LRRC37A: variants seen among roughly 807,000 people sequenced by gnomAD.
LRRC37A encodes the protein leucine-rich repeat-containing protein 37A.
A neutral mutation model predicts 35.4 loss-of-function variants in LRRC37A; 3 were observed. The observed-to-expected ratio is 0.08, with a 90% CI of 0.04 to 0.22. The LOEUF is 0.22. Among genes scored for constraint, LRRC37A ranks in the 10% least tolerant of loss-of-function variants. The probability of loss-of-function intolerance (pLI) is 1.00; values close to 1 mark genes in which losing one functional copy is unlikely to be tolerated. For synonymous variants in LRRC37A, 23 were observed against 215.0 expected (o/e 0.11, Z 7.81); for missense variants, 67 against 565.3 (o/e 0.12, Z 8.94).
the LRRC37A span, among the ~76,000 whole-genome samples, chr17:46,285,711 C>A: frequency 1.3e-5 from 2 of 152,202 alleles, no homozygotes; most frequent in Non-Finnish European, 2.9e-5. Context: ...TGGTAAAGCT[C>A]ATGACACTGG....
At chr17:46,253,328 C>G in the LRRC37A span, among the ~76,000 whole-genome samples, 1 of 152,010 alleles carries the variant, frequency 6.6e-6, no homozygotes, top group Non-Finnish European at 1.5e-5. Context: ...AGAGACGCTC[C>G]TCACTTCCCA....
chr17:46,261,956 T>C, the LRRC37A span, among the ~76,000 whole-genome samples: 1 of 152,108 alleles, frequency 6.6e-6, no homozygotes, highest in Admixed American at 6.6e-5. Context: ...ATTATTATTA[T>C]TATTATTTTT....
the LRRC37A span, among the ~76,000 whole-genome samples, chr17:46,276,114 C>T: frequency 2.6e-5 from 4 of 152,352 alleles, no homozygotes; most frequent in Non-Finnish European, 5.9e-5. Flanking sequence ...TGGTCGCAAA[C>T]TCCTGACCTC....
chr17:46,270,886 C>T, the LRRC37A span, among the ~76,000 whole-genome samples: 54 of 152,270 alleles, frequency 3.5e-4, no homozygotes, highest in Admixed American at 8.5e-4. Flanking sequence ...GGCAACAGAG[C>T]GAGACTCTGT....
At chr17:46,254,196 T>C in the LRRC37A span, among the ~76,000 whole-genome samples, 2 of 152,052 alleles carry the variant, frequency 1.3e-5, no homozygotes, top group Non-Finnish European at 2.9e-5. Flanking sequence ...CTAGAATGAG[T>C]CCAGGAACCG....
At chr17:46,282,433 C>T in the LRRC37A span, among the ~76,000 whole-genome samples, 1 of 145,682 alleles carries the variant, frequency 6.9e-6, no homozygotes, top group South Asian at 2.2e-4. Context: ...TTTTTTTAAA[C>T]AGGCAAGTTC....
the LRRC37A span, among the ~76,000 whole-genome samples, chr17:46,263,784 G>A: frequency 6.6e-6 from 1 of 151,722 alleles, no homozygotes; most frequent in African/African-American, 2.4e-5. Context: ...AACCTGGGAG[G>A]TGGAGGTTGC....
chr17:46,293,500 C>T (rs2050131235), upstream of LRRC37A: 2 of 253,696 alleles, frequency 7.9e-6, 1 homozygote, highest in African/African-American at 5.0e-5. Flanking sequence ...ATTTCTCAAG[C>T]TCCTCACGTG....
At chr17:46,290,498 G>A (rs140093091), upstream of LRRC37A, among the ~76,000 whole-genome samples, 104 of 152,306 alleles carry the variant, frequency 6.8e-4, no homozygotes, top group East Asian at 3.7e-3. Flanking sequence ...TCGCTCTGTC[G>A]TGCAGTGGCA....
At chr17:46,255,144 C>G in the LRRC37A span, among the ~76,000 whole-genome samples, 10 of 151,952 alleles carry the variant, frequency 6.6e-5, no homozygotes, top group African/African-American at 2.4e-4. Context: ...CCCTGCCCAG[C>G]TAATTTTTAC....
the LRRC37A span, among the ~76,000 whole-genome samples, chr17:46,250,857 CCCTT>C: frequency 6.6e-6 from 1 of 152,156 alleles, no homozygotes; most frequent in African/African-American, 2.4e-5. Flanking sequence ...TCCTTCTCTT[CCCTT>C]CCCCTTTCTC....
rs1364343095 is a variant in LRRC37A, at chr17:46,332,458, A to T, written c.4705-94A>T. 3 of 502,128 alleles carry T rather than the reference A, an allele frequency of 6.0e-6. No homozygotes were observed. In the African/African-American group the frequency reaches 7.5e-5, roughly 13 times the overall value. The allele number at this position is 502,128 out of a possible 1,614,324, so 31.1% of individuals were successfully genotyped here. A position where few individuals can be genotyped will look rare whatever the true frequency, so the allele number is the denominator to read the frequency against. ...CAGAGTGAGACCCTCTTTCAAAAAA[A>T]TAAAAAAGAACCTGTCAGCTACTCA... On this transcript the variant is annotated intron_variant, in intron 9 of 13. Transcript: ENST00000320254.
chr17:46,278,460 A>T, the LRRC37A span, among the ~76,000 whole-genome samples: 1 of 150,722 alleles, frequency 6.6e-6, no homozygotes, highest in Non-Finnish European at 1.5e-5. Flanking sequence ...GCTAGAGTGC[A>T]GTGGTGTGAT....
At chr17:46,252,892 A>G in the LRRC37A span, among the ~76,000 whole-genome samples, 5 of 150,490 alleles carry the variant, frequency 3.3e-5, no homozygotes, top group East Asian at 7.8e-4. Flanking sequence ...TGTTGGGTAC[A>G]CCTCCCGGAC....
At chr17:46,333,002 T>G (rs2137113) in intron 10 of LRRC37A, among the ~76,000 whole-genome samples, 91,743 of 141,746 alleles carry the variant, frequency 0.65, 31,923 homozygotes, top group Middle Eastern at 0.85. Context: ...TATTTCCTTG[T>G]TGCTGAAATG....
At chr17:46,274,915 G>C in the LRRC37A span, 1 of 151,760 alleles carries the variant, frequency 6.6e-6, no homozygotes, top group Non-Finnish European at 1.5e-5. Context: ...TTTTTGAAAC[G>C]GAGTTTTGTT....
At chr17:46,269,857 G>C in the LRRC37A span, among the ~76,000 whole-genome samples, 3 of 152,190 alleles carry the variant, frequency 2.0e-5, no homozygotes, top group Non-Finnish European at 2.9e-5. Flanking sequence ...TTTAGCCTTT[G>C]AGCCCTAAAG....
At chr17:46,275,145 G>T in the LRRC37A span, 1 of 257,530 alleles carries the variant, frequency 3.9e-6, no homozygotes, top group Non-Finnish European at 7.0e-6. Context: ...GCCCGCCTTG[G>T]CCTCCCAAAG....
upstream of LRRC37A, among the ~76,000 whole-genome samples, chr17:46,288,371 T>C (rs1392885883): frequency 1.3e-5 from 2 of 148,434 alleles, no homozygotes; most frequent in Non-Finnish European, 3.0e-5. Context: ...TACAGTGGCA[T>C]GATCTCGGCT....
Sources: gnomAD v4.1 joint callset for allele counts (sites outside exome capture counted in the v4.1 genomes callset) on GRCh38, gnomAD v4.1.1 for gene constraint, MANE v1.5 for transcripts, NCBI Gene and HGNC (gene_info 2026-07-23, HGNC 2026-07-21) for gene names.